CSNK2A2: variants seen among roughly 807,000 people sequenced by gnomAD.
The protein encoded by CSNK2A2 is casein kinase 2 alpha 2.
In CSNK2A2, 8 loss-of-function variants were observed where a neutral mutation model predicts 54.0. The observed-to-expected ratio is 0.15, with a 90% confidence interval of 0.09 to 0.27. The LOEUF is 0.27. Among genes scored for constraint, CSNK2A2 ranks in the 10% least tolerant of loss-of-function variants. CSNK2A2 has a pLI of 1.00. For synonymous variants in CSNK2A2, 141 were observed against 153.9 expected (o/e 0.92, Z 0.62); for missense variants, 242 against 439.4 (o/e 0.55, Z 4.02).
chr16:58,186,002 A>G (rs932712237), intron 3 of CSNK2A2, among the ~76,000 whole-genome samples: 2 of 152,238 alleles, frequency 1.3e-5, no homozygotes, highest in African/African-American at 2.4e-5. Flanking sequence ...GCAAAAACCT[A>G]TTTCTTTAAT....
intron 4 of CSNK2A2, among the ~76,000 whole-genome samples, chr16:58,182,569 A>C (rs540883177): frequency 0.069 from 10,377 of 150,996 alleles, 473 homozygotes; most frequent in South Asian, 0.2. Flanking sequence ...AAAAAAAAAA[A>C]AAAACAAAAC....
intron 2 of CSNK2A2, among the ~76,000 whole-genome samples, chr16:58,187,241 G>A (rs1962214410): frequency 6.6e-6 from 1 of 151,612 alleles, no homozygotes; most frequent in South Asian, 2.1e-4. Context: ...AAACAAAATG[G>A]TGAGACACCT....
chr16:58,166,413 A>C (rs892995481), intron 9 of CSNK2A2, among the ~76,000 whole-genome samples, 171 bp downstream of exon 9: 1 of 152,264 alleles, frequency 6.6e-6, no homozygotes, highest in Non-Finnish European at 1.5e-5. Context: ...AAAATGATTA[A>C]AAGACATAAA....
chr16:58,166,962 TTAGACAAGG>T (rs1961581052), intron 8 of CSNK2A2, among the ~76,000 whole-genome samples: 1 of 152,230 alleles, frequency 6.6e-6, no homozygotes, highest in South Asian at 2.1e-4. Flanking sequence ...TCTAGTTTTA[TTAGACAAGG>T]AGGTGCCTGA....
chr16:58,165,666 G>A lies in CSNK2A2; in HGVS notation c.870C>T (p.Asn290=), dbSNP rs1361264698. The change falls in exon 10 of 12, where the codon AAC becomes AAT. Residue 290 remains asparagine (N), a synonymous_variant. Transcript: ENST00000262506. ...KRWENFIHSE[N]RHLVSPEALD... The stretch of plus-strand genomic sequence containing the variant: ...GGGCCTCAGGGCTGACAAGGTGTCT[G>A]TTCTCACTATGGATAAAGTTTTCCC... 1.2e-6 allele frequency: 2 copies of A among 1,613,716 alleles called. No homozygotes were observed. The highest frequency in any genetic ancestry group is 4.5e-5 in the East Asian group (2 of 44,886).
At chr16:58,166,759 G>A in intron 8 of CSNK2A2, 75 bp from the exon 9 acceptor site, 2 of 1,025,134 alleles carry the variant, frequency 2.0e-6, no homozygotes, top group South Asian at 2.6e-5. Context: ...CTGCACCAAG[G>A]AATCAGAAGA....
chr16:58,193,052 C>T (rs1436025335), intron 2 of CSNK2A2, among the ~76,000 whole-genome samples: 1 of 152,232 alleles, frequency 6.6e-6, no homozygotes, highest in Non-Finnish European at 1.5e-5. Flanking sequence ...GTTAGCAATA[C>T]TTTAGTGATA....
chr16:58,176,188 C>A (rs1961873545), intron 4 of CSNK2A2, among the ~76,000 whole-genome samples: 1 of 152,160 alleles, frequency 6.6e-6, no homozygotes, highest in Non-Finnish European at 1.5e-5. Context: ...GAGAAAAGAT[C>A]TAATTTTCTA....
rs1961187228 is a variant in CSNK2A2, at chr16:58,157,924, T to C, written c.*447A>G. On this transcript the variant is annotated 3_prime_UTR_variant, in exon 12 of 12. Coordinates refer to ENST00000262506, the MANE Select transcript of CSNK2A2 (RefSeq NM_001896.4). Reference sequence around the variant, plus strand: ...TCCATACGTTTCTTTTAAAACCTTTTATTCAATAATATATACTTTTAAAAT... The same window carrying C: ...TCCATACGTTTCTTTTAAAACCTTTCATTCAATAATATATACTTTTAAAAT... The C allele has an allele frequency of 6.6e-6, 1 of 152,266 alleles. No individual in the cohort carries two copies. Among genetic ancestry groups the C allele is most frequent in the Non-Finnish European group, 1.5e-5 (1 of 68,018 alleles). 9.4% of individuals were successfully genotyped at this position (152,266 alleles called of 1,614,324 possible).
chr16:58,184,718 T>C (rs1369493743), intron 3 of CSNK2A2, among the ~76,000 whole-genome samples: 1 of 152,232 alleles, frequency 6.6e-6, no homozygotes, highest in African/African-American at 2.4e-5. Context: ...TGTGAGGATT[T>C]ACACCCTGCA....
rs16959775 is a variant in CSNK2A2, at chr16:58,181,146, A to G, written c.369+3114T>C. On this transcript the variant is annotated intron_variant, in intron 4 of 11. Coordinates refer to ENST00000262506, the MANE Select transcript of CSNK2A2 (RefSeq NM_001896.4). ...CCTGAAACTCCTCTAAAATAACCGT[A>G]AAAGGAGCAGGGAGATTAAATCGTA... is the stretch of plus-strand genomic sequence containing the variant. Among the ~76,000 whole-genome samples the G allele has an allele frequency of 4.1e-3, 629 of 152,314 alleles. 5 individuals carry two copies. Among genetic ancestry groups the G allele is most frequent in the African/African-American group, 0.015 (603 of 41,580 alleles).
chr16:58,194,620 C>T (rs1395789413), intron 2 of CSNK2A2, among the ~76,000 whole-genome samples: 2 of 152,180 alleles, frequency 1.3e-5, no homozygotes, highest in Non-Finnish European at 2.9e-5. Flanking sequence ...CTGTGCTCAA[C>T]GTTCAGATCC....
At chr16:58,178,581 C>T (rs1373473212) in intron 4 of CSNK2A2, among the ~76,000 whole-genome samples, 3 of 152,206 alleles carry the variant, frequency 2.0e-5, no homozygotes, top group African/African-American at 7.2e-5. Context: ...CGCACCCGGC[C>T]TGAGACACTT....
intron 3 of CSNK2A2, among the ~76,000 whole-genome samples, chr16:58,184,550 C>T (rs1313523607): frequency 6.6e-6 from 1 of 152,204 alleles, no homozygotes; most frequent in Non-Finnish European, 1.5e-5. Flanking sequence ...AGGTTGGCCA[C>T]AGCTGATTAA....
At chr16:58,167,366 T>A (rs746404238) in intron 7 of CSNK2A2, 58 bp from the exon 8 acceptor site, 17 of 1,379,826 alleles carry the variant, frequency 1.2e-5, no homozygotes, top group East Asian at 2.3e-5. Context: ...TTTTCTGATA[T>A]AAATTTCTTT....
Position 58,166,470 on chromosome 16 carries a change from G to C in CSNK2A2, c.827+114C>G, listed in dbSNP as rs79391149. 6.3e-4 allele frequency: 392 copies of C among 622,274 alleles called. 2 individuals carry two copies. The highest frequency in any genetic ancestry group is 4.0e-4 in the East Asian group (15 of 37,294). 38.5% of individuals were successfully genotyped at this position (622,274 alleles called of 1,614,324 possible). ...AAAAGAAAATATGCATAGGAAAAAA[G>C]AGGGCTACTTCCATTTTACTATAAT... On this transcript the variant is annotated intron_variant, in intron 9 of 11. Transcript: ENST00000262506.
At chr16:58,163,581 ACT>A (rs1391934032) in intron 11 of CSNK2A2, 1 of 152,178 alleles carries the variant, frequency 6.6e-6, no homozygotes, top group Non-Finnish European at 1.5e-5. Flanking sequence ...AAAAAAAAAT[ACT>A]GTCACTGTTT....
intron 5 of CSNK2A2, among the ~76,000 whole-genome samples, chr16:58,172,907 G>C (rs914621300): frequency 3.3e-5 from 5 of 152,196 alleles, no homozygotes; most frequent in Admixed American, 1.3e-4. Flanking sequence ...GTCCACCTGG[G>C]AAGACCTGCA....
chr16:58,166,604 G>A lies in CSNK2A2; in HGVS notation c.807C>T (p.His269=), dbSNP rs756627324. 19 of 1,610,760 alleles carry A rather than the reference G, an allele frequency of 1.2e-5. No individual in the cohort carries two copies. The South Asian group carries it at 1.3e-4, about 11-fold the overall frequency. ...CTTACTGTCCCAGGATATCGTTGAAGTGTGGATCTAGGTCTATGTGATACT... is the reference window on the plus strand; with the variant it reads ...CTTACTGTCCCAGGATATCGTTGAAATGTGGATCTAGGTCTATGTGATACT... ...LKKYHIDLDP[H]FNDILGQHSR... Residue 269 remains histidine (H), a synonymous_variant, in exon 9 of 12, where the codon CAC becomes CAT. Coordinates refer to ENST00000262506, the MANE Select transcript of CSNK2A2 (RefSeq NM_001896.4).
Sources: allele counts gnomAD v4.1 joint callset (sites outside exome capture counted in the v4.1 genomes callset), GRCh38; gene constraint gnomAD v4.1.1; transcripts MANE v1.5; gene names NCBI Gene and HGNC (gene_info 2026-07-23, HGNC 2026-07-21).